KBTBD7: variants seen among roughly 807,000 people sequenced by gnomAD.
KBTBD7 encodes kelch repeat and BTB domain containing 7.
Under a neutral mutation model 50.3 loss-of-function variants are expected in KBTBD7, and 25 were observed. The observed-to-expected ratio is 0.50, with a 90% CI of 0.36 to 0.69. The LOEUF (loss-of-function observed/expected upper bound fraction) is 0.69. Ranked by LOEUF, KBTBD7 falls within the 30% of genes least tolerant of loss-of-function variation. The pLI is 0.00. For synonymous variants in KBTBD7, 305 were observed against 325.3 expected, an observed-to-expected ratio of 0.94 and a Z score of 0.67; for missense variants, 653 against 869.5, an observed-to-expected ratio of 0.75 and a Z score of 3.13.
In KBTBD7 at chr13:41,193,860, C is replaced by T. The variant is rs1042668812; in HGVS notation, c.398G>A (p.Arg133His). Residue 133 changes from arginine (R) to histidine (H), a missense_variant, in exon 1 of 1, where the codon CGT becomes CAT. By Grantham distance (29) the Arg-to-His change is conservative (BLOSUM62 0). This residue lies in a region of KBTBD7 where 526 missense variants were observed against 717.1 expected (regional missense o/e 0.73). Coordinates refer to ENST00000379483, the MANE Select transcript of KBTBD7 (RefSeq NM_032138.7). This position sits in a 1 kb window ranked among gnomAD's most constrained non-coding sequence, Gnocchi z 5.7. ...EVLVDYCYTG[R>H]VSLSEANVQR... is the part of the protein sequence containing the mutation. ...CACATTGGCCTCACTGAGAGACACA[C>T]GACCCGTGTAGCAGTAGTCGACCAA... 2 of 1,614,152 alleles carry T rather than the reference C, an allele frequency of 1.2e-6. No homozygotes were observed. Among genetic ancestry groups the T allele is most frequent in the Non-Finnish European group, 1.7e-6 (2 of 1,180,036 alleles).
In KBTBD7 at chr13:41,192,264, T is replaced by C. The variant is rs1480787176; in HGVS notation, c.1994A>G (p.Asp665Gly). 6.2e-7 allele frequency: 1 copy of C among 1,614,184 alleles called. No individual in the cohort carries two copies. Among genetic ancestry groups the C allele is most frequent in the Admixed American group, 1.7e-5 (1 of 60,018 alleles). Residue 665 changes from aspartate to glycine, a missense_variant, in exon 1 of 1, where the codon GAT becomes GGT. By Grantham distance (94) the Asp-to-Gly change is moderately conservative (BLOSUM62 -1). Coordinates refer to ENST00000379483, the MANE Select transcript of KBTBD7 (RefSeq NM_032138.7). ...ESGSSSSFSD[D>G]EVWVQVAPQR... ...AGGTGCTACTTGCACCCAGACTTCA[T>C]CATCTGAAAAAGAACTTGAACTTCC...
Position 41,193,606 on chromosome 13 carries a change from T to A in KBTBD7, c.652A>T (p.Thr218Ser). Residue 218 changes from threonine (T) to serine (S), a missense_variant, in exon 1 of 1, where the codon ACC becomes TCC. Transcript: ENST00000379483. This position sits in a 1 kb window ranked among gnomAD's most constrained non-coding sequence, Gnocchi z 5.7. ...SIREETLADL[T>S]LAQLLAVLRL... ...AGGACAGCCAGCAGCTGGGCCAGGGTTAGATCTGCTAGAGTCTCCTCCCGA... is the reference window on the plus strand; with the variant it reads ...AGGACAGCCAGCAGCTGGGCCAGGGATAGATCTGCTAGAGTCTCCTCCCGA... The A allele has an allele frequency of 6.2e-7, 1 of 1,614,170 alleles. No individual in the cohort carries two copies. Among genetic ancestry groups the A allele is most frequent in the African/African-American group, 1.3e-5 (1 of 75,036 alleles).
In KBTBD7 at chr13:41,192,446, A is replaced by C. The variant is rs1361844636; in HGVS notation, c.1812T>G (p.Leu604=). Residue 604 remains leucine, a synonymous_variant, in exon 1 of 1, where the codon CTT becomes CTG. Coordinates refer to ENST00000379483, the MANE Select transcript of KBTBD7 (RefSeq NM_032138.7). ...QWINIGTMLG[L]LQFDSGFICL... Reference sequence around the variant, plus strand: ...AAATAAAGCCAGAGTCAAACTGCAAAAGGCCTAACATGGTACCTATATTAA... The same window carrying C: ...AAATAAAGCCAGAGTCAAACTGCAACAGGCCTAACATGGTACCTATATTAA... The C allele has an allele frequency of 6.2e-7, 1 of 1,614,216 alleles. No homozygotes were observed. The highest frequency in any genetic ancestry group is 2.2e-5 in the East Asian group (1 of 44,882).
Position 41,192,860 on chromosome 13 carries a change from C to A in KBTBD7, c.1398G>T (p.Leu466Phe). ...CYSVQRNQWALVAPVPHSFYS... is the reference protein window; with the variant it reads ...CYSVQRNQWAFVAPVPHSFYS... ...AGAAGGAATGAGGGACAGGAGCCAC[C>A]AATGCCCACTGGTTTCTCTGAACAC... The change falls in exon 1 of 1, where the codon TTG becomes TTT. Residue 466 changes from leucine (L) to phenylalanine (F), a missense_variant. Leu to Phe is a conservative substitution (Grantham distance 22). Transcript: ENST00000379483. The A allele has an allele frequency of 6.2e-7, 1 of 1,614,232 alleles. No individual in the cohort carries two copies. Among genetic ancestry groups the A allele is most frequent in the Non-Finnish European group, 8.5e-7 (1 of 1,180,044 alleles).
Position 41,194,053 on chromosome 13 carries a change from C to T in KBTBD7, c.205G>A (p.Val69Met), listed in dbSNP as rs2031467558. The part of the protein sequence containing the change: ...ARLLCDVTIE[V>M]VTPGSGPGTG... Reference sequence around the variant, plus strand: ...CCAGGCCCGCTGCCAGGCGTCACCACCTCGATGGTCACATCACACAGCAGC... The same window carrying T: ...CCAGGCCCGCTGCCAGGCGTCACCATCTCGATGGTCACATCACACAGCAGC... Residue 69 changes from valine (V) to methionine (M), a missense_variant, in exon 1 of 1, where the codon GTG (valine) becomes ATG (methionine). Around this residue, in one of 3 missense-constraint regions of KBTBD7, gnomAD observed 119 missense variants for 125.0 expected, o/e 0.95. Transcript: ENST00000379483. The T allele has an allele frequency of 1.2e-6, 2 of 1,614,100 alleles. No individual in the cohort carries two copies. Among genetic ancestry groups the T allele is most frequent in the Non-Finnish European group, 8.5e-7 (1 of 1,180,054 alleles).
chr13:41,193,122 G>C lies in KBTBD7; in HGVS notation c.1136C>G (p.Thr379Ser). The C allele has an allele frequency of 1.2e-6, 2 of 1,614,242 alleles. No individual in the cohort carries two copies. Among genetic ancestry groups the C allele is most frequent in the South Asian group, 1.1e-5 (1 of 91,092 alleles). The part of the protein sequence containing the change: ...MPSPLTSFAH[T>S]KTVTSSAVCV... ...GACAGCTGAGGAGGTGACAGTCTTA[G>C]TGTGAGCAAAGCTGGTCAAAGGGGA... Residue 379 changes from threonine to serine, a missense_variant, in exon 1 of 1, where the codon ACT becomes AGT. Around this residue, in one of 3 missense-constraint regions of KBTBD7, gnomAD observed 526 missense variants for 717.1 expected, o/e 0.73. Transcript: ENST00000379483. The surrounding 1 kb of genome is among the most constrained non-coding windows in gnomAD (Gnocchi z 5.7).
Position 41,191,924 on chromosome 13 carries a change from C to A in KBTBD7, c.*279G>T. ...AGCATACTAACTAATCAAAACAATC[C>A]ACTGTGCAATGAATATTTGAACAAT... On this transcript the variant is annotated 3_prime_UTR_variant, in exon 1 of 1. Coordinates refer to ENST00000379483, the MANE Select transcript of KBTBD7 (RefSeq NM_032138.7). 1 of 304,474 alleles carries A rather than the reference C, an allele frequency of 3.3e-6. No homozygotes were observed. Among genetic ancestry groups the A allele is most frequent in the Non-Finnish European group, 6.0e-6 (1 of 166,038 alleles). 18.9% of individuals were successfully genotyped at this position (304,474 alleles called of 1,614,324 possible). A position where few individuals can be genotyped will look rare whatever the true frequency, so the allele number is the denominator to read the frequency against.
At position 41,193,563 on chromosome 13, in the gene KBTBD7, T is replaced by C. The variant is rs1203226053; in HGVS notation, c.695A>G (p.Asp232Gly). The C allele has an allele frequency of 1.7e-5, 27 of 1,614,188 alleles. No individual in the cohort carries two copies. The highest frequency in any genetic ancestry group is 2.1e-5 in the Non-Finnish European group (25 of 1,180,032). ...LLAVLRLDSL[D>G]IESERTVCHV... ...GCATACAGTCCGCTCACTCTCTATG[T>C]CCAGACTATCCAGGCGTAGGACAGC... The change falls in exon 1 of 1, where the codon GAC becomes GGC. Residue 232 changes from aspartate to glycine, a missense_variant. Coordinates refer to ENST00000379483, the MANE Select transcript of KBTBD7 (RefSeq NM_032138.7). This position sits in a 1 kb window ranked among gnomAD's most constrained non-coding sequence, Gnocchi z 5.7.
chr13:41,192,192 C>T lies in KBTBD7; in HGVS notation c.*11G>A. ...TAGCAGTAGAAACATCTTAGTGTCTCAAAATACTATTTACAAAGAACCCTG... is the reference window on the plus strand; with the variant it reads ...TAGCAGTAGAAACATCTTAGTGTCTTAAAATACTATTTACAAAGAACCCTG... On this transcript the variant is annotated 3_prime_UTR_variant, in exon 1 of 1. Coordinates refer to ENST00000379483, the MANE Select transcript of KBTBD7 (RefSeq NM_032138.7). 7.5e-6 allele frequency: 12 copies of T among 1,592,544 alleles called. No homozygotes were observed. The highest frequency in any genetic ancestry group is 9.4e-6 in the Non-Finnish European group (11 of 1,170,358).
In KBTBD7 at chr13:41,193,412, C is replaced by A. The variant is rs1455792033; in HGVS notation, c.846G>T (p.Leu282=). Residue 282 remains leucine, a synonymous_variant, in exon 1 of 1, where the codon CTG becomes CTT. Transcript: ENST00000379483. This position sits in a 1 kb window ranked among gnomAD's most constrained non-coding sequence, Gnocchi z 5.7. ...AGTACTTCTTCACGATGGGCTTGGT[C>A]AGCAGCCCTTCTAAGTAGTCCTGAT... ...EEDQDYLEGL[L]TKPIVKKYCL... 1.2e-6 allele frequency: 2 copies of A among 1,613,920 alleles called. No homozygotes were observed. The highest frequency in any genetic ancestry group is 1.3e-5 in the African/African-American group (1 of 75,014).
chr13:41,193,282 A>T lies in KBTBD7; in HGVS notation c.976T>A (p.Ser326Thr). The T allele has an allele frequency of 1.2e-6, 2 of 1,612,510 alleles. No homozygotes were observed. The highest frequency in any genetic ancestry group is 1.7e-6 in the Non-Finnish European group (2 of 1,178,970). The change falls in exon 1 of 1, where the codon TCT (serine) becomes ACT (threonine). Residue 326 changes from serine to threonine, a missense_variant. This residue lies in a region of KBTBD7 where 526 missense variants were observed against 717.1 expected (regional missense o/e 0.73). Transcript: ENST00000379483. The surrounding 1 kb of genome is among the most constrained non-coding windows in gnomAD (Gnocchi z 5.7). ...NSSSSSSSSN[S>T]LVSAAENPPQ... ...GGATTTTCTGCTGCAGATACAAGAG[A>T]GTTGCTGCTGCTACTGCTGCTGCTG...
rs1373773354 is a variant in KBTBD7 at position 41,190,231 on chromosome 13, A to G, written c.*1972T>C. 6.6e-6 allele frequency: 1 copy of G among 152,222 alleles called. No individual in the cohort carries two copies. Among genetic ancestry groups the G allele is most frequent in the African/African-American group, 2.4e-5 (1 of 41,464 alleles). The allele number at this position is 152,222 out of a possible 1,614,324, so 9.4% of individuals were successfully genotyped here. A position where few individuals can be genotyped will look rare whatever the true frequency, so the allele number is the denominator to read the frequency against. On this transcript the variant is annotated 3_prime_UTR_variant, in exon 1 of 1. Transcript: ENST00000379483. ...TAGCTTTGTATTAAGTGCAGTACTT[A>G]TAACATCCCTGATGTCAAATGTACA...
rs1198585645 is a variant in KBTBD7, at chr13:41,192,114, A to C, written c.*89T>G. Reference sequence around the variant, plus strand: ...CTTTCTAAACCAAATCTGTGGTCCTAATCAACTTTTTTTCCAAGAAAAAGA... The same window carrying C: ...CTTTCTAAACCAAATCTGTGGTCCTCATCAACTTTTTTTCCAAGAAAAAGA... On this transcript the variant is annotated 3_prime_UTR_variant, in exon 1 of 1. Coordinates refer to ENST00000379483, the MANE Select transcript of KBTBD7 (RefSeq NM_032138.7). The C allele has an allele frequency of 7.5e-7, 1 of 1,329,790 alleles. No individual in the cohort carries two copies. The highest frequency in any genetic ancestry group is 1.0e-6 in the Non-Finnish European group (1 of 963,210). The allele number at this position is 1,329,790 out of a possible 1,614,324, so 82.4% of individuals were successfully genotyped here.
At position 41,192,526 on chromosome 13, in the gene KBTBD7, A is replaced by T. The variant is rs776384669; in HGVS notation, c.1732T>A (p.Trp578Arg). 1.2e-6 allele frequency: 2 copies of T among 1,614,114 alleles called. No homozygotes were observed. The highest frequency in any genetic ancestry group is 1.1e-5 in the South Asian group (1 of 91,076). Residue 578 changes from tryptophan (W) to arginine (R), a missense_variant, in exon 1 of 1, where the codon TGG becomes AGG. Around this residue, in one of 3 missense-constraint regions of KBTBD7, gnomAD observed 526 missense variants for 717.1 expected, o/e 0.73. Coordinates refer to ENST00000379483, the MANE Select transcript of KBTBD7 (RefSeq NM_032138.7). ...TACACTGTCACTCGGTTCTTTTTCCATTGTGGGGTTGTAGAAGTGATGAGA... is the reference window on the plus strand; with the variant it reads ...TACACTGTCACTCGGTTCTTTTTCCTTTGTGGGGTTGTAGAAGTGATGAGA... ...LLLITSTTPQ[W>R]KKNRVTVYEY...
chr13:41,192,129 C>G lies in KBTBD7; in HGVS notation c.*74G>C, dbSNP rs1593477796. The G allele has an allele frequency of 1.4e-6, 2 of 1,462,242 alleles. No individual in the cohort carries two copies. The highest frequency in any genetic ancestry group is 4.6e-5 in the East Asian group (2 of 43,944). The allele number at this position is 1,462,242 out of a possible 1,614,324, so 90.6% of individuals were successfully genotyped here. On this transcript the variant is annotated 3_prime_UTR_variant, in exon 1 of 1. Transcript: ENST00000379483. ...CTGTGGTCCTAATCAACTTTTTTTC[C>G]AAGAAAAAGAAACGATATGTGTTTA... is the stretch of plus-strand genomic sequence containing the variant.
rs1566245657 is a variant in KBTBD7, at chr13:41,190,739, T to C, written c.*1464A>G. On this transcript the variant is annotated 3_prime_UTR_variant, in exon 1 of 1. Coordinates refer to ENST00000379483, the MANE Select transcript of KBTBD7 (RefSeq NM_032138.7). ...TTAACAATTTTAGTTTTGTGCAATGTAGTCTATATTTGTGGACTTCCCCTT... is the reference window on the plus strand; with the variant it reads ...TTAACAATTTTAGTTTTGTGCAATGCAGTCTATATTTGTGGACTTCCCCTT... 2.0e-5 allele frequency: 3 copies of C among 152,196 alleles called. No homozygotes were observed. In the East Asian group the frequency reaches 5.8e-4, roughly 29 times the overall value. The allele number at this position is 152,196 out of a possible 1,614,324, so 9.4% of individuals were successfully genotyped here.
chr13:41,194,194 G>A lies in KBTBD7; in HGVS notation c.64C>T (p.Pro22Ser). ...ACCGAGGGCTTGGAAATCCTCTTGG[G>A]CCGCCTCCCACCACGGGGACTGGCG... Reference protein sequence around the residue: ...RLASPRGGRRPKRISKPSVSA... With the variant: ...RLASPRGGRRSKRISKPSVSA... The change falls in exon 1 of 1, where the codon CCC becomes TCC. Residue 22 changes from proline to serine, a missense_variant. By Grantham distance (74) the Pro-to-Ser change is moderately conservative. Transcript: ENST00000379483. 1 of 1,614,180 alleles carries A rather than the reference G, an allele frequency of 6.2e-7. No homozygotes were observed.
chr13:41,192,632 T>A lies in KBTBD7; in HGVS notation c.1626A>T (p.Gly542=), dbSNP rs2031420982. The part of the protein sequence containing the change: ...PVMKVYNPAR[G]EWRRISNIPL... ...GAATATTACTAATCCGCCTCCATTC[T>A]CCCCTAGCTGGGTTGTAGACCTTCA... The change falls in exon 1 of 1, where the codon GGA becomes GGT. Residue 542 remains glycine, a synonymous_variant. Coordinates refer to ENST00000379483, the MANE Select transcript of KBTBD7 (RefSeq NM_032138.7). 2 of 1,614,132 alleles carry A rather than the reference T, an allele frequency of 1.2e-6. No individual in the cohort carries two copies. The highest frequency in any genetic ancestry group is 2.7e-5 in the African/African-American group (2 of 75,024).
chr13:41,194,014 A>T lies in KBTBD7; in HGVS notation c.244T>A (p.Phe82Ile), dbSNP rs777455910. The T allele has an allele frequency of 1.9e-6, 3 of 1,614,208 alleles. No individual in the cohort carries two copies. In the South Asian group the frequency reaches 3.3e-5, roughly 18 times the overall value. The change falls in exon 1 of 1, where the codon TTT (phenylalanine) becomes ATT (isoleucine). Residue 82 changes from phenylalanine (F) to isoleucine (I), a missense_variant. By Grantham distance (21) the Phe-to-Ile change is conservative (BLOSUM62 0). This residue lies in a region of KBTBD7 where 119 missense variants were observed against 125.0 expected (regional missense o/e 0.95). Coordinates refer to ENST00000379483, the MANE Select transcript of KBTBD7 (RefSeq NM_032138.7). ...PGSGPGTGRLFSCNRNVLAAA... is the reference protein window; with the variant it reads ...PGSGPGTGRLISCNRNVLAAA... ...GCTAGCACGTTGCGATTGCAGGAAA[A>T]GAGGCGACCCGTGCCAGGCCCGCTG...
Sources: allele counts gnomAD v4.1 joint callset, GRCh38; gene constraint gnomAD v4.1.1; regional missense constraint gnomAD v4.1.1; non-coding constraint Gnocchi (gnomAD v3.1); transcripts MANE v1.5; gene names NCBI Gene and HGNC (gene_info 2026-07-23, HGNC 2026-07-21).